RBM6: variants seen among roughly 807,000 people sequenced by gnomAD.
The protein encoded by RBM6 is RNA-binding protein 6.
A neutral mutation model predicts 140.4 loss-of-function variants in RBM6; 23 were observed. That is an observed-to-expected ratio of 0.16 (90% confidence interval 0.12 to 0.23). The LOEUF (loss-of-function observed/expected upper bound fraction) is 0.23. Ranked by LOEUF, RBM6 falls within the 10% of genes least tolerant of loss-of-function variation. The pLI is 1.00. For synonymous variants in RBM6, 439 were observed against 475.6 expected, an observed-to-expected ratio of 0.92 and a Z score of 1.00; for missense variants, 1,139 against 1,386.7, an observed-to-expected ratio of 0.82 and a Z score of 2.84.
At position 49,962,671 on chromosome 3, in the gene RBM6, A is replaced by G; in HGVS notation, c.30A>G (p.Arg10=). The change falls in exon 2 of 21, where the codon AGA becomes AGG. Residue 10 remains arginine (R), a synonymous_variant. Coordinates refer to ENST00000266022, the MANE Select transcript of RBM6 (RefSeq NM_005777.3). The part of the protein sequence containing the change: MWGDSRPAN[R]TGPFRGSQEE... ...GGGGGGATTCTCGACCTGCTAACAG[A>G]ACTGGACCTTTTCGGTAAGTTCTCA... is the stretch of plus-strand genomic sequence containing the variant. The G allele has an allele frequency of 6.3e-7, 1 of 1,576,596 alleles. No individual in the cohort carries two copies. Among genetic ancestry groups the G allele is most frequent in the Non-Finnish European group, 8.6e-7 (1 of 1,167,696 alleles).
intron 6 of RBM6, among the ~76,000 whole-genome samples, chr3:50,040,489 T>TACAC (rs1328304322): frequency 5.1e-5 from 5 of 98,932 alleles, no homozygotes; most frequent in African/African-American, 2.0e-4. Context: ...TATATATATA[T>TACAC]ATATACACAC....
chr3:49,944,020 T>C (rs1287964211), intron 1 of RBM6, among the ~76,000 whole-genome samples: 2 of 152,188 alleles, frequency 1.3e-5, no homozygotes, highest in Non-Finnish European at 2.9e-5. Context: ...TTTGTACCTT[T>C]TTACCCATTT....
At chr3:50,006,144 C>CTT (rs1169238410) in intron 6 of RBM6, among the ~76,000 whole-genome samples, 11 of 112,828 alleles carry the variant, frequency 9.7e-5, no homozygotes, top group Non-Finnish European at 1.5e-4. Context: ...CTGATTGAGA[C>CTT]TTTTTTTTTT....
chr3:50,019,301 C>T (rs146947777), intron 6 of RBM6, among the ~76,000 whole-genome samples: 2,100 of 152,280 alleles, frequency 0.014, 48 homozygotes, highest in African/African-American at 0.048. Flanking sequence ...GCTGGGATTA[C>T]AGGCATGAGC....
chr3:50,053,480 G>A (rs1430583989), intron 7 of RBM6, among the ~76,000 whole-genome samples: 2 of 151,680 alleles, frequency 1.3e-5, no homozygotes, highest in African/African-American at 2.4e-5. Context: ...GTGGTAAGCC[G>A]AGATCATGCC....
At chr3:49,966,042 CT>C (rs1197097927) in intron 2 of RBM6, among the ~76,000 whole-genome samples, 8 of 152,090 alleles carry the variant, frequency 5.3e-5, no homozygotes, top group Non-Finnish European at 1.2e-4. Context: ...ATGAGAATTG[CT>C]TGAACCCAGG....
At chr3:49,973,845 C>A (rs894907787) in intron 4 of RBM6, among the ~76,000 whole-genome samples, 1 of 151,942 alleles carries the variant, frequency 6.6e-6, no homozygotes, top group Admixed American at 6.6e-5. Flanking sequence ...CTCGGCCTCT[C>A]AAAGTGCTGA....
chr3:49,940,347 G>A (rs2083229359), intron 1 of RBM6, 122 bp downstream of exon 1: 1 of 152,416 alleles, frequency 6.6e-6, no homozygotes, highest in Non-Finnish European at 1.5e-5. Context: ...GTGTCGCGGG[G>A]CGGCTGCGGC....
chr3:50,010,660 T>C (rs2086797933), intron 6 of RBM6, among the ~76,000 whole-genome samples: 1 of 151,990 alleles, frequency 6.6e-6, no homozygotes, highest in Non-Finnish European at 1.5e-5. Context: ...CCCAGCACTT[T>C]GGGAGGCTGA....
intron 6 of RBM6, among the ~76,000 whole-genome samples, chr3:50,008,918 C>T (rs1381037999): frequency 6.6e-6 from 1 of 152,180 alleles, no homozygotes; most frequent in Non-Finnish European, 1.5e-5. Flanking sequence ...TAATACCACC[C>T]ATAGTGCAGT....
chr3:50,058,314 G>A (rs2089797816), intron 9 of RBM6, 88 bp from the exon 10 acceptor site: 1 of 1,414,722 alleles, frequency 7.1e-7, no homozygotes, highest in African/African-American at 1.4e-5. Flanking sequence ...AGCATCTATA[G>A]TAAAAAATGA....
At chr3:49,975,767 T>A (rs912137166) in intron 5 of RBM6, among the ~76,000 whole-genome samples, 2 of 152,226 alleles carry the variant, frequency 1.3e-5, no homozygotes, top group Non-Finnish European at 2.9e-5. Flanking sequence ...TTTACATTCA[T>A]TGCTTCAGTA....
intron 5 of RBM6, among the ~76,000 whole-genome samples, chr3:49,989,642 A>G (rs574639281): frequency 1.3e-5 from 2 of 152,314 alleles, no homozygotes; most frequent in Non-Finnish European, 2.9e-5. Context: ...CTTCAACTCC[A>G]AAGTATGAGT....
chr3:49,957,762 T>A (rs908083003), intron 1 of RBM6, among the ~76,000 whole-genome samples: 10 of 152,202 alleles, frequency 6.6e-5, no homozygotes, highest in South Asian at 4.1e-4. Context: ...AAGTAGGAGT[T>A]ACAAAGCAAA....
At chr3:49,985,969 A>C (rs2085537139) in intron 5 of RBM6, among the ~76,000 whole-genome samples, 1 of 151,372 alleles carries the variant, frequency 6.6e-6, no homozygotes, top group African/African-American at 2.4e-5. Context: ...AGAAAATGTT[A>C]TATTTTCATT....
chr3:50,063,101 C>T (rs1435051034), intron 15 of RBM6, among the ~76,000 whole-genome samples: 3 of 151,962 alleles, frequency 2.0e-5, no homozygotes, highest in Non-Finnish European at 4.4e-5. Flanking sequence ...CTAGATTGAC[C>T]AGGCTGATCT....
chr3:49,949,080 C>T (rs1007559524), intron 1 of RBM6, among the ~76,000 whole-genome samples: 3 of 151,446 alleles, frequency 2.0e-5, no homozygotes, highest in Admixed American at 1.3e-4. Flanking sequence ...CCGCTGGCCT[C>T]AGCCTCCCAA....
At chr3:49,984,076 G>A (rs1477561491) in intron 5 of RBM6, among the ~76,000 whole-genome samples, 1 of 152,142 alleles carries the variant, frequency 6.6e-6, no homozygotes, top group Admixed American at 6.6e-5. Flanking sequence ...TGGATCACTC[G>A]AGCTCAGGAG....
chr3:49,942,906 T>A (rs2083349353), intron 1 of RBM6, among the ~76,000 whole-genome samples: 1 of 152,166 alleles, frequency 6.6e-6, no homozygotes, highest in Non-Finnish European at 1.5e-5. Flanking sequence ...CAAGTTAACT[T>A]CCCATTTCCT....
Sources: gnomAD v4.1 joint callset for allele counts (sites outside exome capture counted in the v4.1 genomes callset) on GRCh38, gnomAD v4.1.1 for gene constraint, MANE v1.5 for transcripts, NCBI Gene and HGNC (gene_info 2026-07-23, HGNC 2026-07-21) for gene names.